The following TRAPPC12 variants were observed in gnomAD, a reference collection of about 807,000 sequenced individuals.
TRAPPC12 encodes trafficking protein particle complex subunit 12.
A neutral mutation model predicts 69.2 loss-of-function variants in TRAPPC12; 61 were observed. That is an observed-to-expected ratio of 0.88 (90% confidence interval 0.72 to 1.09). The LOEUF is 1.09. Ranked by LOEUF, TRAPPC12 falls within the 50% of genes least tolerant of loss-of-function variation. TRAPPC12 has a pLI of 0.00. For missense variants in TRAPPC12, 1,101 were observed against 1,016.4 expected, an observed-to-expected ratio of 1.08 and a Z score of -1.13; for synonymous variants, 469 against 438.9, an observed-to-expected ratio of 1.07 and a Z score of -0.86.
intron 5 of TRAPPC12, among the ~76,000 whole-genome samples, chr2:3,442,124 AGATCGGAGTATTAACAGCTAGTCTGTACG>A (rs1664251882): frequency 6.6e-6 from 1 of 151,644 alleles, no homozygotes; most frequent in Non-Finnish European, 1.5e-5. Context: ...CTGTACGTTG[AGATCGGAGTATTAACAGCTAGTCTGTACG>A]TTGAGATCGG....
rs1666359641 is a variant in TRAPPC12, at chr2:3,477,777, T to C, written c.1859T>C (p.Ile620Thr). The change falls in exon 10 of 12, where the codon ATC becomes ACC. Residue 620 changes from isoleucine to threonine, a missense_variant. Coordinates refer to ENST00000324266, the MANE Select transcript of TRAPPC12 (RefSeq NM_016030.6). ...AAATTAGATGGACTACAGGGTAAAA[T>C]CATGGTTTTGATGAACAGGTAAATA... ...TQKLDGLQGK[I>T]MVLMNSAFLH... The C allele has an allele frequency of 6.3e-7, 1 of 1,597,574 alleles. No homozygotes were observed. The highest frequency in any genetic ancestry group is 8.5e-7 in the Non-Finnish European group (1 of 1,173,222).
chr2:3,451,287 A>G (rs1414504563), intron 6 of TRAPPC12, among the ~76,000 whole-genome samples: 2 of 152,192 alleles, frequency 1.3e-5, no homozygotes, highest in Admixed American at 1.3e-4. Context: ...ACCGGCCATG[A>G]CATGCCCAGT....
In TRAPPC12 at chr2:3,388,295, C is replaced by T. The variant is rs952810567; in HGVS notation, c.672C>T (p.Phe224=). ...GCCACTCCTTGGCCTCGGACTTCTT[C>T]GACTCCTTTACTACCTCCGCCTTCA... ...AASHSLASDF[F]DSFTTSAFIS... The change falls in exon 2 of 12, where the codon TTC becomes TTT. Residue 224 remains phenylalanine, a synonymous_variant. Transcript: ENST00000324266. 28 of 1,607,686 alleles carry T rather than the reference C, an allele frequency of 1.7e-5. No individual in the cohort carries two copies. The highest frequency in any genetic ancestry group is 2.3e-5 in the Non-Finnish European group (27 of 1,177,030).
intron 6 of TRAPPC12, chr2:3,449,542 T>G (rs2103114925): frequency 6.6e-6 from 1 of 152,420 alleles, no homozygotes; most frequent in East Asian, 1.9e-4. Flanking sequence ...TAGCTTTTGC[T>G]TCTCTATTGA....
At chr2:3,410,112 C>G (rs558172578) in intron 3 of TRAPPC12, among the ~76,000 whole-genome samples, 1 of 152,174 alleles carries the variant, frequency 6.6e-6, no homozygotes, top group African/African-American at 2.4e-5. Flanking sequence ...AATTGGCTCT[C>G]GGGTTGGTGT....
intron 2 of TRAPPC12, chr2:3,389,568 T>C: frequency 4.6e-6 from 2 of 434,622 alleles, no homozygotes; most frequent in Non-Finnish European, 9.6e-6. Flanking sequence ...ACACAGCTCT[T>C]TTCGACCCGC....
At chr2:3,460,762 A>T in intron 8 of TRAPPC12, 1 of 164,292 alleles carries the variant, frequency 6.1e-6, no homozygotes, top group African/African-American at 2.4e-5. Flanking sequence ...CCTTCTTAGG[A>T]CGTCACCCCA....
chr2:3,468,439 G>T (rs1298550433), intron 9 of TRAPPC12, among the ~76,000 whole-genome samples: 1 of 151,846 alleles, frequency 6.6e-6, no homozygotes, highest in African/African-American at 2.4e-5. Context: ...CCATACAACC[G>T]CCTGCCGTGA....
At chr2:3,411,623 A>G (rs1303987297) in intron 3 of TRAPPC12, among the ~76,000 whole-genome samples, 1 of 152,240 alleles carries the variant, frequency 6.6e-6, no homozygotes, top group African/African-American at 2.4e-5. Context: ...ATATGCTTCT[A>G]TCAATTTGTG....
At chr2:3,440,538 T>G (rs542323049) in intron 5 of TRAPPC12, among the ~76,000 whole-genome samples, 16 of 152,358 alleles carry the variant, frequency 1.1e-4, no homozygotes, top group African/African-American at 3.8e-4. Flanking sequence ...TCTTGTATCC[T>G]GTGACTTTTA....
chr2:3,402,395 G>T (rs769270960), intron 3 of TRAPPC12, among the ~76,000 whole-genome samples: 41 of 152,144 alleles, frequency 2.7e-4, no homozygotes, highest in Non-Finnish European at 4.4e-4. Flanking sequence ...TTCAAGACCA[G>T]CCTGGCCAAC....
chr2:3,425,920 ACTT>A (rs1477874027), intron 5 of TRAPPC12, among the ~76,000 whole-genome samples: 1 of 152,202 alleles, frequency 6.6e-6, no homozygotes, highest in Admixed American at 6.5e-5. Context: ...AAATCTTTGA[ACTT>A]CTTTGTGTGT....
Position 3,414,708 on chromosome 2 carries a change from G to A in TRAPPC12, c.1165-7173G>A, listed in dbSNP as rs1234298640. Among the ~76,000 whole-genome samples, 1 of 152,054 alleles carries A rather than the reference G, an allele frequency of 6.6e-6. No individual in the cohort carries two copies. The highest frequency in any genetic ancestry group is 1.5e-5 in the Non-Finnish European group (1 of 68,022). On this transcript the variant is annotated intron_variant, in intron 3 of 11. Coordinates refer to ENST00000324266, the MANE Select transcript of TRAPPC12 (RefSeq NM_016030.6). The surrounding 1 kb of genome is among the most constrained non-coding windows in gnomAD (Gnocchi z 4.9). ...GCCGTGCCGCTTGTGCCTCTGCCCCGCGAGGGACACCATTCCCCGTCGTTG... is the reference window on the plus strand; with the variant it reads ...GCCGTGCCGCTTGTGCCTCTGCCCCACGAGGGACACCATTCCCCGTCGTTG...
rs766963698 is a variant in TRAPPC12 at position 3,443,830 on chromosome 2, A to G, written c.1469A>G (p.Tyr490Cys). Residue 490 changes from tyrosine (Y) to cysteine (C), a missense_variant, in exon 6 of 12, where the codon TAC becomes TGC. Transcript: ENST00000324266. ...MRILHAELQQ[Y>C]LGNPQESLDR... ...ATCTTGCACGCGGAGCTTCAGCAGT[A>G]CCTGGGGAACCCACAGGAGTCGCTG... 1.2e-6 allele frequency: 2 copies of G among 1,614,098 alleles called. No individual in the cohort carries two copies. The highest frequency in any genetic ancestry group is 2.2e-5 in the South Asian group (2 of 91,074).
chr2:3,465,051 G>A (rs895446885), intron 8 of TRAPPC12, among the ~76,000 whole-genome samples: 5 of 152,210 alleles, frequency 3.3e-5, no homozygotes, highest in Admixed American at 6.5e-5. Flanking sequence ...CGGAGCACAC[G>A]ACATTCACGC....
chr2:3,435,481 G>T (rs1229484212), intron 5 of TRAPPC12, among the ~76,000 whole-genome samples: 1 of 152,190 alleles, frequency 6.6e-6, no homozygotes, highest in African/African-American at 2.4e-5. Context: ...ATGTAAGGAA[G>T]AAATTGGTAC....
intron 5 of TRAPPC12, among the ~76,000 whole-genome samples, chr2:3,440,794 T>C (rs1255979088): frequency 6.6e-6 from 1 of 152,162 alleles, no homozygotes; most frequent in East Asian, 1.9e-4. Context: ...TTAGCTGCAG[T>C]TGTTTTGTAG....
chr2:3,399,816 C>T (rs1048589313), intron 2 of TRAPPC12, among the ~76,000 whole-genome samples: 22 of 147,346 alleles, frequency 1.5e-4, no homozygotes, highest in African/African-American at 5.3e-4. Flanking sequence ...GCTCCCCCCG[C>T]CACCGCCCCG....
intron 3 of TRAPPC12, among the ~76,000 whole-genome samples, chr2:3,405,802 C>G (rs1419287670): frequency 6.6e-6 from 1 of 152,204 alleles, no homozygotes; most frequent in Non-Finnish European, 1.5e-5. Flanking sequence ...ATTCCAGATT[C>G]ACAAATTTAT....
Sources: gnomAD v4.1 joint callset for allele counts (sites outside exome capture counted in the v4.1 genomes callset) on GRCh38, gnomAD v4.1.1 for gene constraint, Gnocchi (gnomAD v3.1) non-coding constraint, MANE v1.5 for transcripts, NCBI Gene and HGNC (gene_info 2026-07-23, HGNC 2026-07-21) for gene names.